The following VPS41 variants were observed in gnomAD, a reference collection of about 807,000 sequenced individuals.
VPS41 encodes the protein VPS41 subunit of HOPS complex.
VPS41 carries 85 observed loss-of-function variants against 130.9 expected under a neutral mutation model. The observed-to-expected ratio is 0.65, with a 90% confidence interval of 0.55 to 0.78. The LOEUF is 0.78. Among genes scored for constraint, VPS41 ranks in the 30% least tolerant of loss-of-function variants. The probability of loss-of-function intolerance (pLI) is 0.00; values close to 1 mark genes in which losing one functional copy is unlikely to be tolerated. For missense variants in VPS41, 874 were observed against 1,018.7 expected (o/e 0.86, Z 1.93); for synonymous variants, 335 against 332.9 (o/e 1.01, Z -0.07).
intron 5 of VPS41, among the ~76,000 whole-genome samples, chr7:38,824,200 G>A (rs1562599662): frequency 6.6e-6 from 1 of 152,138 alleles, no homozygotes; most frequent in African/African-American, 2.4e-5. Context: ...GCATGGTCTT[G>A]TGCTAAATCT....
At chr7:38,844,024 C>G (rs376224597) in intron 4 of VPS41, among the ~76,000 whole-genome samples, 1 of 152,180 alleles carries the variant, frequency 6.6e-6, no homozygotes, top group Non-Finnish European at 1.5e-5. Flanking sequence ...ATAAGCAATG[C>G]TGCTTTCTAA....
intron 4 of VPS41, among the ~76,000 whole-genome samples, chr7:38,861,423 C>A (rs769958663): frequency 1.3e-5 from 2 of 152,158 alleles, no homozygotes; most frequent in East Asian, 3.9e-4. Flanking sequence ...CATCAAGATG[C>A]ATGTCCAGTG....
intron 7 of VPS41, chr7:38,797,150 A>C: frequency 4.1e-6 from 1 of 241,192 alleles, no homozygotes; most frequent in Admixed American, 4.9e-5. Flanking sequence ...AATGCACATT[A>C]GTTAATCAAA....
In VPS41 at chr7:38,897,586, A is replaced by C. The variant is rs1787032446; in HGVS notation, c.60+505T>G. Among the ~76,000 whole-genome samples, 3 of 150,666 alleles carry C rather than the reference A, an allele frequency of 2.0e-5. No individual in the cohort carries two copies. In the South Asian group the frequency reaches 6.3e-4, roughly 32 times the overall value. Reference sequence around the variant, plus strand: ...TGTGAACCTGGGAGACGGAGCCTGCAGTGAGCCGAGATGGAGCCACTACAC... The same window carrying C: ...TGTGAACCTGGGAGACGGAGCCTGCCGTGAGCCGAGATGGAGCCACTACAC... On this transcript the variant is annotated intron_variant, in intron 2 of 28. Transcript: ENST00000310301.
At chr7:38,833,017 C>A (rs918407563) in intron 4 of VPS41, among the ~76,000 whole-genome samples, 32 of 152,178 alleles carry the variant, frequency 2.1e-4, no homozygotes, top group African/African-American at 7.7e-4. Context: ...GGTTTCCCCA[C>A]CTCAGTTAAT....
At chr7:38,840,244 A>G (rs1375487717) in intron 4 of VPS41, among the ~76,000 whole-genome samples, 1 of 152,240 alleles carries the variant, frequency 6.6e-6, no homozygotes, top group African/African-American at 2.4e-5. Flanking sequence ...AAAAAAAAGT[A>G]AACTGTTGTT....
In VPS41 at chr7:38,756,770, G is replaced by GTATTA. The variant is rs1258126016; in HGVS notation, c.1695+67_1695+68insTAATA. The GTATTA allele has an allele frequency of 3.4e-6, 4 of 1,165,908 alleles. No homozygotes were observed. In the African/African-American group the frequency reaches 6.2e-5, roughly 18 times the overall value. 72.2% of individuals were successfully genotyped at this position (1,165,908 alleles called of 1,614,324 possible). ...CATTCACCAATCCAGCATTTGGATA[G>GTATTA]ATATCTAAGTATTAAATATTTGGAA... On this transcript the variant is annotated intron_variant, in intron 19 of 28. Transcript: ENST00000310301.
At chr7:38,873,213 T>C (rs1298543966) in intron 2 of VPS41, among the ~76,000 whole-genome samples, 1 of 152,186 alleles carries the variant, frequency 6.6e-6, no homozygotes, top group African/African-American at 2.4e-5. Flanking sequence ...GCATTTGATG[T>C]ATCATTTCAC....
rs905623581 is a variant in VPS41 at position 38,724,585 on chromosome 7, ATTTCT to A, written c.*1656_*1660del. ...CATTTCCTTTGAACTTGGCCCTATGATTTCTTTTCTTTTCTTTTCTTTTTTGAGAC... is the reference window on the plus strand; with the variant it reads ...CATTTCCTTTGAACTTGGCCCTATGATTTCTTTTCTTTTCTTTTTTGAGAC... On this transcript the variant is annotated 3_prime_UTR_variant, in exon 29 of 29. Transcript: ENST00000310301. 1.6e-4 allele frequency: 23 copies of A among 142,570 alleles called. No individual in the cohort carries two copies. Among genetic ancestry groups the A allele is most frequent in the South Asian group, 2.5e-4 (1 of 4,012 alleles). The allele number at this position is 142,570 out of a possible 1,614,324, so 8.8% of individuals were successfully genotyped here.
chr7:38,786,861 A>C (rs887279189), intron 10 of VPS41, among the ~76,000 whole-genome samples: 1 of 152,152 alleles, frequency 6.6e-6, no homozygotes. Flanking sequence ...TAACCCATAT[A>C]GCTGAATCAA....
At chr7:38,742,155 A>T in intron 24 of VPS41, 34 bp from the exon 25 acceptor site, 1 of 1,566,602 alleles carries the variant, frequency 6.4e-7, no homozygotes. Flanking sequence ...TGAACATATA[A>T]GCAACATTAT....
intron 10 of VPS41, among the ~76,000 whole-genome samples, chr7:38,779,592 A>T (rs1784321066): frequency 6.6e-6 from 1 of 152,194 alleles, no homozygotes; most frequent in Non-Finnish European, 1.5e-5. Context: ...ACAAAGTAAG[A>T]CATTTTAGAA....
chr7:38,782,915 G>C (rs916048866), intron 10 of VPS41, among the ~76,000 whole-genome samples: 2 of 151,992 alleles, frequency 1.3e-5, no homozygotes, highest in Admixed American at 6.5e-5. Context: ...TCAGGAGTTC[G>C]AGACCAGCCT....
chr7:38,768,713 G>A (rs1784096981), intron 14 of VPS41, among the ~76,000 whole-genome samples: 1 of 152,284 alleles, frequency 6.6e-6, no homozygotes, highest in South Asian at 2.1e-4. Flanking sequence ...AAGGTTCAGA[G>A]AAAGAATGTC....
intron 9 of VPS41, among the ~76,000 whole-genome samples, chr7:38,792,915 C>T (rs1018793351): frequency 1.3e-5 from 2 of 152,096 alleles, no homozygotes; most frequent in African/African-American, 4.8e-5. Flanking sequence ...ACACCAATCA[C>T]ACTCCTGCTT....
chr7:38,834,265 A>G (rs577123936), intron 4 of VPS41, among the ~76,000 whole-genome samples: 98 of 152,294 alleles, frequency 6.4e-4, no homozygotes, highest in African/African-American at 2.2e-3. Flanking sequence ...ATCCGCAAAC[A>G]TGGAACATTT....
Position 38,727,980 on chromosome 7 carries a change from T to C in VPS41, c.2404+562A>G, listed in dbSNP as rs547339776. Among the ~76,000 whole-genome samples the C allele has an allele frequency of 5.9e-5, 9 of 152,322 alleles. 1 individual carries two copies. In the South Asian group the frequency reaches 1.9e-3, roughly 32 times the overall value. On this transcript the variant is annotated intron_variant, in intron 27 of 28. Coordinates refer to ENST00000310301, the MANE Select transcript of VPS41 (RefSeq NM_014396.4). Reference sequence around the variant, plus strand: ...TTAAAGACTCACAGTTCCAATTAGATGGCAGGGATTATGTATGTTTCCACT... The same window carrying C: ...TTAAAGACTCACAGTTCCAATTAGACGGCAGGGATTATGTATGTTTCCACT...
intron 4 of VPS41, among the ~76,000 whole-genome samples, chr7:38,840,057 C>T (rs1251193254): frequency 1.3e-5 from 2 of 152,192 alleles, no homozygotes; most frequent in Non-Finnish European, 2.9e-5. Flanking sequence ...ACCCTTCCAT[C>T]GCTAACTGCT....
At chr7:38,885,075 T>G (rs1450304861) in intron 2 of VPS41, among the ~76,000 whole-genome samples, 1 of 152,196 alleles carries the variant, frequency 6.6e-6, no homozygotes, top group East Asian at 1.9e-4. Context: ...TTTTATTTTT[T>G]ATTTATTTAT....
Sources: gnomAD v4.1 joint callset for allele counts (sites outside exome capture counted in the v4.1 genomes callset) on GRCh38, gnomAD v4.1.1 for gene constraint, MANE v1.5 for transcripts, NCBI Gene and HGNC (gene_info 2026-07-23, HGNC 2026-07-21) for gene names.